The following LGR4 variants were observed in gnomAD, a reference collection of about 807,000 sequenced individuals.
LGR4 encodes leucine rich repeat containing G protein-coupled receptor 4.
A neutral mutation model predicts 84.8 loss-of-function variants in LGR4; 44 were observed. The ratio of observed to expected loss-of-function variants is 0.52; its 90% CI spans 0.41 to 0.67. The LOEUF (loss-of-function observed/expected upper bound fraction) is 0.67. Ranked by LOEUF, LGR4 falls within the 30% of genes least tolerant of loss-of-function variation. LGR4 has a pLI of 0.00. For missense variants in LGR4, 1,032 were observed against 1,131.4 expected, an observed-to-expected ratio of 0.91 and a Z score of 1.26; for synonymous variants, 429 against 434.3, an observed-to-expected ratio of 0.99 and a Z score of 0.15.
chr11:27,412,982 C>T (rs1414374285), intron 1 of LGR4, 122 bp from the exon 2 acceptor site: 7 of 674,826 alleles, frequency 1.0e-5, no homozygotes, highest in African/African-American at 9.2e-5. Flanking sequence ...CACATAGAAA[C>T]AGTCACAATT....
chr11:27,430,224 T>A (rs1864093554), intron 1 of LGR4, among the ~76,000 whole-genome samples: 1 of 152,114 alleles, frequency 6.6e-6, no homozygotes, highest in East Asian at 1.9e-4. Flanking sequence ...CAAAGCTCCA[T>A]CGAGATCCAA....
intron 1 of LGR4, among the ~76,000 whole-genome samples, chr11:27,413,121 C>A (rs1863742534): frequency 6.6e-6 from 1 of 152,096 alleles, no homozygotes; most frequent in Non-Finnish European, 1.5e-5. Flanking sequence ...AAAAAAGTCT[C>A]AAACCACCTA....
At chr11:27,470,871 C>T (rs1864857835) in intron 1 of LGR4, among the ~76,000 whole-genome samples, 1 of 152,148 alleles carries the variant, frequency 6.6e-6, no homozygotes, top group South Asian at 2.1e-4. Flanking sequence ...GCAAGCGGAA[C>T]ACCTTTGCCA....
At chr11:27,452,654 G>A (rs1414342475) in intron 1 of LGR4, among the ~76,000 whole-genome samples, 3 of 129,038 alleles carry the variant, frequency 2.3e-5, no homozygotes, top group African/African-American at 6.1e-5. Context: ...TTGAGACAGA[G>A]TCTCTGTCGC....
chr11:27,368,749 A>G lies in LGR4; in HGVS notation c.1974T>C (p.His658=), dbSNP rs745322265. 1.1e-5 allele frequency: 17 copies of G among 1,614,010 alleles called. 1 individual carries two copies. The highest frequency in any genetic ancestry group is 1.7e-4 in the Middle Eastern group (1 of 6,060). The change falls in exon 18 of 18, where the codon CAT becomes CAC. Residue 658 remains histidine (H), a synonymous_variant. Transcript: ENST00000379214. ...KDIMKNGKSN[H]LKQFRVAALL... ...GGGCAGCAACCCGGAACTGTTTGAG[A>G]TGATTGCTCTTCCCATTTTTCATTA... is the stretch of plus-strand genomic sequence containing the variant.
At chr11:27,462,897 C>A (rs1262120306) in intron 1 of LGR4, among the ~76,000 whole-genome samples, 1 of 151,576 alleles carries the variant, frequency 6.6e-6, no homozygotes, top group Non-Finnish European at 1.5e-5. Context: ...AGGAAAAAAA[C>A]AAACCATTTT....
In LGR4 at chr11:27,368,531, T is replaced by C; in HGVS notation, c.2192A>G (p.Asn731Ser). ...TTCTGAGAGGTCCTCTTTTTCCAAG[T>C]TGCAGTATAGTTTAGTGTAGATAAC... ...MAVIYTKLYC[N>S]LEKEDLSENS... The change falls in exon 18 of 18, where the codon AAC becomes AGC. Residue 731 changes from asparagine to serine, a missense_variant. Transcript: ENST00000379214. 1 of 1,614,150 alleles carries C rather than the reference T, an allele frequency of 6.2e-7. No homozygotes were observed. The highest frequency in any genetic ancestry group is 8.5e-7 in the Non-Finnish European group (1 of 1,179,998).
intron 1 of LGR4, among the ~76,000 whole-genome samples, chr11:27,416,319 G>A: frequency 6.6e-6 from 1 of 152,148 alleles, no homozygotes; most frequent in East Asian, 1.9e-4. Flanking sequence ...TGTGATCTTT[G>A]GCAAATTGAT....
intron 1 of LGR4, among the ~76,000 whole-genome samples, chr11:27,427,358 G>A (rs375459886): frequency 1.3e-5 from 2 of 152,244 alleles, no homozygotes; most frequent in East Asian, 3.9e-4. Context: ...AAGGGCCTCC[G>A]AAACGAAAGA....
At chr11:27,385,811 C>T (rs868337885) in intron 4 of LGR4, among the ~76,000 whole-genome samples, 31 of 31,666 alleles carry the variant, frequency 9.8e-4, no homozygotes, top group Middle Eastern at 0.019. Flanking sequence ...AATTATCAGG[C>T]ATACAAAAAA....
intron 1 of LGR4, among the ~76,000 whole-genome samples, chr11:27,447,949 A>G (rs752389635): frequency 6.6e-6 from 1 of 152,240 alleles, no homozygotes; most frequent in Non-Finnish European, 1.5e-5. Flanking sequence ...ATATACTTCA[A>G]TGAACCTTAT....
chr11:27,387,548 G>A (rs1419104226), intron 4 of LGR4, among the ~76,000 whole-genome samples: 3 of 152,130 alleles, frequency 2.0e-5, no homozygotes, highest in African/African-American at 7.2e-5. Context: ...CAGAGACCCA[G>A]TAGCAGAAAC....
At chr11:27,373,855 T>A in intron 14 of LGR4, 120 bp downstream of exon 14, 1 of 1,001,042 alleles carries the variant, frequency 1.0e-6, no homozygotes, top group Non-Finnish European at 1.5e-6. Flanking sequence ...AAATACAGCT[T>A]AGCATTTATA....
intron 1 of LGR4, among the ~76,000 whole-genome samples, chr11:27,418,977 G>A (rs1207457139): frequency 6.6e-6 from 1 of 151,778 alleles, no homozygotes; most frequent in Non-Finnish European, 1.5e-5. Flanking sequence ...TGGGACTACA[G>A]GCAAGCACCA....
In LGR4 at chr11:27,367,938, C is replaced by T; in HGVS notation, c.2785G>A (p.Ala929Thr). ...SSDQVQACGR[A>T]CFYQSRGFPL... ...AATCCTCTACTCTGGTAGAAGCAGG[C>T]TCGTCCACAGGCCTGCACCTGGTCA... The change falls in exon 18 of 18, where the codon GCC (alanine) becomes ACC (threonine). Residue 929 changes from alanine (A) to threonine (T), a missense_variant. Physicochemically the swap from Ala to Thr is moderately conservative, Grantham distance 58. Coordinates refer to ENST00000379214, the MANE Select transcript of LGR4 (RefSeq NM_018490.5). 2 of 1,613,434 alleles carry T rather than the reference C, an allele frequency of 1.2e-6. No individual in the cohort carries two copies. The highest frequency in any genetic ancestry group is 2.2e-5 in the South Asian group (2 of 90,950).
rs952106916 is a variant in LGR4, at chr11:27,425,229, T to C, written c.186-12369A>G. On this transcript the variant is annotated intron_variant, in intron 1 of 17. Transcript: ENST00000379214. The stretch of plus-strand genomic sequence containing the variant: ...AAAATAAAAAATAAAGAATGTAAGA[T>C]TGGAGGGTCAACTCAGATACCATGA... Among the ~76,000 whole-genome samples the C allele has an allele frequency of 3.3e-5, 5 of 151,958 alleles. No individual in the cohort carries two copies. The East Asian group carries it at 9.6e-4, about 29-fold the overall frequency.
intron 1 of LGR4, among the ~76,000 whole-genome samples, chr11:27,413,295 C>A (rs1035154655): frequency 6.6e-6 from 1 of 152,092 alleles, no homozygotes; most frequent in Non-Finnish European, 1.5e-5. Context: ...CCTAGCTCTA[C>A]CCTAGTCATA....
chr11:27,393,512 CCT>C (rs141447308), intron 2 of LGR4, among the ~76,000 whole-genome samples: 2,687 of 152,022 alleles, frequency 0.018, 80 homozygotes, highest in African/African-American at 0.062. Context: ...CTTTAAAATT[CCT>C]CTGTTAAAAT....
At chr11:27,399,736 C>G (rs1040548255) in intron 2 of LGR4, among the ~76,000 whole-genome samples, 12 of 152,130 alleles carry the variant, frequency 7.9e-5, no homozygotes, top group Admixed American at 6.5e-5. Flanking sequence ...CCAGGCTGCT[C>G]TCAAACTCCT....
Sources: allele counts gnomAD v4.1 joint callset (sites outside exome capture counted in the v4.1 genomes callset), GRCh38; gene constraint gnomAD v4.1.1; transcripts MANE v1.5; gene names NCBI Gene and HGNC (gene_info 2026-07-23, HGNC 2026-07-21).